The following AFDN variants were observed in gnomAD, a reference collection of about 807,000 sequenced individuals.
AFDN encodes the protein afadin.
In AFDN, 68 loss-of-function variants were observed where a neutral mutation model predicts 216.6. The ratio of observed to expected loss-of-function variants is 0.31; its 90% CI spans 0.26 to 0.38. The LOEUF is 0.38. Ranked by LOEUF, AFDN falls within the 10% of genes least tolerant of loss-of-function variation. The probability of loss-of-function intolerance (pLI) is 1.00; values close to 1 mark genes in which losing one functional copy is unlikely to be tolerated. For missense variants in AFDN, 2,136 were observed against 2,342.0 expected (o/e 0.91, Z 1.82); for synonymous variants, 868 against 853.7 (o/e 1.02, Z -0.29).
At chr6:167,947,768 A>G in intron 27 of AFDN, 85 bp from the exon 28 acceptor site, 2 of 807,286 alleles carry the variant, frequency 2.5e-6, no homozygotes, top group Non-Finnish European at 4.0e-6. Flanking sequence ...TATGAAGATG[A>G]ATGAGGTCTT....
chr6:167,960,285 T>A (rs1796908776), intron 30 of AFDN, among the ~76,000 whole-genome samples: 3 of 152,332 alleles, frequency 2.0e-5, no homozygotes, highest in Admixed American at 2.0e-4. Flanking sequence ...TTACGAATAG[T>A]AACTGATGAG....
At chr6:167,969,064 C>A in intron 32 of AFDN, 50 bp from the exon 33 acceptor site, 1 of 1,411,980 alleles carries the variant, frequency 7.1e-7, no homozygotes, top group Non-Finnish European at 1.0e-6. Flanking sequence ...ATGAGTAAAG[C>A]TTAGAAATAA....
In AFDN at chr6:167,889,212, T is replaced by C. The variant is rs749881599; in HGVS notation, c.898-3T>C. 1.9e-6 allele frequency: 3 copies of C among 1,610,232 alleles called. No homozygotes were observed. Among genetic ancestry groups the C allele is most frequent in the South Asian group, 1.1e-5 (1 of 90,476 alleles). On this transcript the variant is annotated splice_polypyrimidine_tract_variant and splice_region_variant and intron_variant, in intron 6 of 33. Coordinates refer to ENST00000683244, the MANE Select transcript of AFDN (RefSeq NM_001386888.1). Reference sequence around the variant, plus strand: ...TCATAGTTAATTATTTTTGTTTTTTTAGGTTATGCTTCCTCCTGGAGCCCA... The same window carrying C: ...TCATAGTTAATTATTTTTGTTTTTTCAGGTTATGCTTCCTCCTGGAGCCCA...
At chr6:167,890,818 A>G (rs1165665559) in intron 7 of AFDN, 44 bp from the exon 8 acceptor site, 1 of 1,594,310 alleles carries the variant, frequency 6.3e-7, no homozygotes, top group Non-Finnish European at 8.5e-7. Context: ...GGCCATCCTG[A>G]CCAACCTGAG....
chr6:167,872,113 T>C, intron 3 of AFDN, 101 bp from the exon 4 acceptor site: 2 of 1,100,974 alleles, frequency 1.8e-6, no homozygotes, highest in Non-Finnish European at 2.6e-6. Context: ...GTAGCTTTGT[T>C]CACATGTTCG....
rs536683260 is a variant in AFDN at position 167,840,804 on chromosome 6, A to G, written c.105+13567A>G. On this transcript the variant is annotated intron_variant, in intron 1 of 33. Transcript: ENST00000683244. ...GGGCCTTGTAAGCCAAGTTAAGAAC[A>G]TTCAAGATGAAAGAACATGAGGAGG... Among the ~76,000 whole-genome samples, 3 of 152,346 alleles carry G rather than the reference A, an allele frequency of 2.0e-5. No homozygotes were observed. The East Asian group carries it at 5.8e-4, about 29-fold the overall frequency.
rs770737214 is a variant in AFDN, at chr6:167,875,394, G to A, written c.638G>A (p.Arg213Gln). 6.2e-7 allele frequency: 1 copy of A among 1,613,670 alleles called. No homozygotes were observed. The highest frequency in any genetic ancestry group is 1.7e-5 in the Admixed American group (1 of 59,974). ...YKDMPETSFT[R>Q]TISNPEVVMK... Reference sequence around the variant, plus strand: ...GACATGCCGGAAACCAGCTTTACTCGAACCATTTCTAATCCTGAGGTGGTT... The same window carrying A: ...GACATGCCGGAAACCAGCTTTACTCAAACCATTTCTAATCCTGAGGTGGTT... The change falls in exon 5 of 34, where the codon CGA (arginine) becomes CAA (glutamine). Residue 213 changes from arginine (R) to glutamine (Q), a missense_variant. Coordinates refer to ENST00000683244, the MANE Select transcript of AFDN (RefSeq NM_001386888.1).
At chr6:167,891,404 GGTGGGTGTGTGTGTGTGTGT>G (rs1238768044) in intron 8 of AFDN, among the ~76,000 whole-genome samples, 5 of 138,072 alleles carry the variant, frequency 3.6e-5, no homozygotes, top group South Asian at 4.5e-4. Context: ...TTCATAAAGG[GGTGGGTGTGTGTGTGTGTGT>G]GTGTGTGTGT....
intron 31 of AFDN, chr6:167,965,183 AT>A: frequency 1.7e-6 from 1 of 600,464 alleles, no homozygotes; most frequent in Non-Finnish European, 2.1e-6. Context: ...TTTCCTGTTA[AT>A]CTCCTTCCTG....
At chr6:167,909,145 G>A (rs1037855826) in intron 13 of AFDN, among the ~76,000 whole-genome samples, 1 of 152,048 alleles carries the variant, frequency 6.6e-6, no homozygotes, top group African/African-American at 2.4e-5. Flanking sequence ...AGGGAGATGT[G>A]TTAAAATAAT....
At chr6:167,844,849 C>CTTTTTTTTTTTT (rs67495555) in intron 1 of AFDN, among the ~76,000 whole-genome samples, 35 of 127,714 alleles carry the variant, frequency 2.7e-4, no homozygotes, top group African/African-American at 5.7e-4. Context: ...CTTTTCTTTT[C>CTTTTTTTTTTTT]TTTTTTTTTT....
rs748856393 is a variant in AFDN at position 167,965,818 on chromosome 6, A to G, written c.5030A>G (p.Glu1677Gly). Residue 1677 changes from glutamate to glycine, a missense_variant, in exon 32 of 34, where the codon GAG (glutamate) becomes GGG (glycine). Physicochemically the swap from Glu to Gly is moderately conservative, Grantham distance 98 (BLOSUM62 -2). This residue lies in a region of AFDN where 981 missense variants were observed against 966.0 expected (regional missense o/e 1.02). Coordinates refer to ENST00000683244, the MANE Select transcript of AFDN (RefSeq NM_001386888.1). Reference protein sequence around the residue: ...LEAERRRQHDEAARRLLEPEA... With the variant: ...LEAERRRQHDGAARRLLEPEA... ...GCCGAGAGGCGCAGACAGCACGACG[A>G]GGCGGCGCGCAGGTTGCTGGAGCCC... The G allele has an allele frequency of 6.4e-7, 1 of 1,562,746 alleles. No individual in the cohort carries two copies. The highest frequency in any genetic ancestry group is 2.4e-5 in the East Asian group (1 of 42,230).
At chr6:167,968,242 C>T (rs1356193322) in intron 32 of AFDN, among the ~76,000 whole-genome samples, 4 of 152,096 alleles carry the variant, frequency 2.6e-5, no homozygotes, top group African/African-American at 9.7e-5. Context: ...TATAAATTGT[C>T]GTAAGGTGGA....
chr6:167,830,852 A>G (rs1163209710), intron 1 of AFDN, among the ~76,000 whole-genome samples: 1 of 151,968 alleles, frequency 6.6e-6, no homozygotes, highest in Non-Finnish European at 1.5e-5. Flanking sequence ...TAATAATTGC[A>G]TAACTTATAG....
intron 11 of AFDN, among the ~76,000 whole-genome samples, chr6:167,899,604 C>T (rs932169137): frequency 6.6e-6 from 1 of 152,160 alleles, no homozygotes; most frequent in Non-Finnish European, 1.5e-5. Flanking sequence ...ATGTTCATTT[C>T]AATCATCAGC....
chr6:167,942,162 A>G (rs1024250660), intron 23 of AFDN, among the ~76,000 whole-genome samples: 4 of 152,198 alleles, frequency 2.6e-5, no homozygotes, highest in African/African-American at 7.2e-5. Flanking sequence ...GTCTTCTGTA[A>G]ACTTAACTTG....
At chr6:167,835,758 A>C (rs919311375) in intron 1 of AFDN, among the ~76,000 whole-genome samples, 2 of 152,234 alleles carry the variant, frequency 1.3e-5, no homozygotes, top group Non-Finnish European at 1.5e-5. Flanking sequence ...AATACTGTCA[A>C]AATATTACTA....
At chr6:167,900,586 G>C (rs1331645771) in intron 11 of AFDN, among the ~76,000 whole-genome samples, 1 of 152,158 alleles carries the variant, frequency 6.6e-6, no homozygotes, top group African/African-American at 2.4e-5. Flanking sequence ...GTTAAAACTT[G>C]AAAGAGGTAG....
At chr6:167,906,284 A>C (rs1789679217) in intron 12 of AFDN, among the ~76,000 whole-genome samples, 1 of 152,232 alleles carries the variant, frequency 6.6e-6, no homozygotes, top group Admixed American at 6.5e-5. Context: ...ACAAGTCTGT[A>C]ATATAAAAAT....
Sources: gnomAD v4.1 joint callset for allele counts (sites outside exome capture counted in the v4.1 genomes callset) on GRCh38, gnomAD v4.1.1 for gene constraint, gnomAD v4.1.1 regional missense constraint, MANE v1.5 for transcripts, NCBI Gene and HGNC (gene_info 2026-07-23, HGNC 2026-07-21) for gene names.